Variants in CACNA1E observed in about 807,000 individuals in gnomAD.
The protein encoded by CACNA1E is calcium voltage-gated channel subunit alpha1 E, also known as voltage-dependent R-type calcium channel subunit alpha-1E.
In CACNA1E, 40 loss-of-function variants were observed where a neutral mutation model predicts 259.2. The observed-to-expected ratio is 0.15, with a 90% CI of 0.12 to 0.20. The LOEUF (loss-of-function observed/expected upper bound fraction) is 0.20, where lower values mean the gene tolerates loss of function less well. Among genes scored for constraint, CACNA1E ranks in the 10% least tolerant of loss-of-function variants. CACNA1E has a pLI of 1.00. For missense variants in CACNA1E, 1,874 were observed against 3,040.1 expected (o/e 0.62, Z 9.02); for synonymous variants, 1,104 against 1,138.5 (o/e 0.97, Z 0.61).
intron 12 of CACNA1E, among the ~76,000 whole-genome samples, chr1:181,719,384 T>C (rs1654224261): frequency 6.6e-6 from 1 of 152,186 alleles, no homozygotes; most frequent in Non-Finnish European, 1.5e-5. Flanking sequence ...GATGAGAGAA[T>C]GTAGACCTTC....
At chr1:181,399,803 G>T (rs1656962504) in intron 1 of CACNA1E, among the ~76,000 whole-genome samples, 4 of 152,210 alleles carry the variant, frequency 2.6e-5, no homozygotes, top group Admixed American at 2.6e-4. Flanking sequence ...TGGTATGCTT[G>T]ATGATTTTCT....
chr1:181,388,937 A>C (rs1387395969), intron 1 of CACNA1E, among the ~76,000 whole-genome samples: 1 of 151,960 alleles, frequency 6.6e-6, no homozygotes, highest in Non-Finnish European at 1.5e-5. Context: ...ATCGTTGTAT[A>C]TGCTGTCTGA....
chr1:181,711,099 G>A, intron 8 of CACNA1E, 30 bp downstream of exon 8: 3 of 1,464,300 alleles, frequency 2.0e-6, no homozygotes, highest in Non-Finnish European at 2.9e-6. Flanking sequence ...GGAGGCTGGT[G>A]AGTGGGCTGC....
chr1:181,766,619 G>A lies in CACNA1E; in HGVS notation c.4881+8G>A. 6.2e-7 allele frequency: 1 copy of A among 1,605,256 alleles called. No individual in the cohort carries two copies. The highest frequency in any genetic ancestry group is 8.5e-7 in the Non-Finnish European group (1 of 1,172,520). ...GCCATCATTGGGATGCAGGTGAGCTGGTAAATCAAGGGCCCGGTGGGGGAC... is the reference window on the plus strand; with the variant it reads ...GCCATCATTGGGATGCAGGTGAGCTAGTAAATCAAGGGCCCGGTGGGGGAC... On this transcript the variant is annotated splice_region_variant and intron_variant, in intron 35 of 47. Coordinates refer to ENST00000367573, the MANE Select transcript of CACNA1E (RefSeq NM_001205293.3).
intron 1 of CACNA1E, among the ~76,000 whole-genome samples, chr1:181,386,899 G>T (rs530764756): frequency 6.6e-6 from 1 of 152,300 alleles, no homozygotes; most frequent in Middle Eastern, 3.4e-3. Context: ...GTCTGCACAC[G>T]CTTTGAGTGG....
intron 1 of CACNA1E, among the ~76,000 whole-genome samples, chr1:181,497,970 T>C (rs7544171): frequency 0.058 from 8,766 of 152,058 alleles, 795 homozygotes; most frequent in African/African-American, 0.2. Context: ...ATTTTGTCTT[T>C]CCCCCGCCAA....
intron 3 of CACNA1E, among the ~76,000 whole-genome samples, chr1:181,524,375 C>G (rs906353637): frequency 6.6e-6 from 1 of 152,112 alleles, no homozygotes; most frequent in Non-Finnish European, 1.5e-5. Flanking sequence ...ACAATGTGAC[C>G]CGTACAGAGC....
chr1:181,562,892 A>G (rs893098582), intron 3 of CACNA1E, among the ~76,000 whole-genome samples: 1 of 152,204 alleles, frequency 6.6e-6, no homozygotes, highest in South Asian at 2.1e-4. Context: ...TCATGCTTGC[A>G]TAGCTCTATC....
chr1:181,495,170 G>T (rs750666900), intron 1 of CACNA1E, among the ~76,000 whole-genome samples: 1 of 152,158 alleles, frequency 6.6e-6, no homozygotes, highest in Non-Finnish European at 1.5e-5. Context: ...TAGATCTCAG[G>T]AGTTGAAGGG....
intron 1 of CACNA1E, among the ~76,000 whole-genome samples, chr1:181,373,407 T>C (rs975561129): frequency 3.3e-5 from 5 of 152,198 alleles, no homozygotes; most frequent in Admixed American, 3.3e-4. Context: ...TTAGGTTTTC[T>C]AGTTTTTATA....
chr1:181,398,175 A>C (rs1245913642), intron 1 of CACNA1E, among the ~76,000 whole-genome samples: 1 of 152,242 alleles, frequency 6.6e-6, no homozygotes, highest in Non-Finnish European at 1.5e-5. Context: ...GGCTCTACCC[A>C]GATGCCTTGG....
At chr1:181,332,240 G>A (rs1244947828) in intron 1 of CACNA1E, among the ~76,000 whole-genome samples, 3 of 152,190 alleles carry the variant, frequency 2.0e-5, no homozygotes, top group Non-Finnish European at 4.4e-5. Context: ...AGAAGGGAGA[G>A]CATCAGGAAG....
intron 7 of CACNA1E, among the ~76,000 whole-genome samples, chr1:181,706,071 A>G (rs1163948706): frequency 1.3e-5 from 2 of 152,042 alleles, no homozygotes; most frequent in African/African-American, 4.8e-5. Context: ...CCAATTACCT[A>G]TCCTCTTACC....
At chr1:181,630,859 A>C (rs765452186) in intron 6 of CACNA1E, among the ~76,000 whole-genome samples, 1 of 152,146 alleles carries the variant, frequency 6.6e-6, no homozygotes, top group African/African-American at 2.4e-5. Context: ...GAGTAAGTCT[A>C]TTCTCAGCCA....
chr1:181,727,409 G>T (rs112307507), intron 18 of CACNA1E, among the ~76,000 whole-genome samples: 1 of 152,222 alleles, frequency 6.6e-6, no homozygotes. Context: ...ATACAATGAG[G>T]AACAGAAAAG....
At chr1:181,716,255 G>GGA (rs1229826889) in intron 10 of CACNA1E, 126 bp downstream of exon 10, 1 of 429,066 alleles carries the variant, frequency 2.3e-6, no homozygotes, top group Non-Finnish European at 4.1e-6. Context: ...ATGTAATTAA[G>GGA]GAAAAGGGTG....
Position 181,372,784 on chromosome 1 carries a change from G to A in CACNA1E, c.-14-40349G>A, listed in dbSNP as rs115362772. 5.2e-3 allele frequency among the ~76,000 whole-genome samples: 781 copies of A among 150,568 alleles called. 8 individuals carry two copies. Among genetic ancestry groups the A allele is most frequent in the African/African-American group, 0.018 (741 of 40,980 alleles). ...GTTCCTTTGATACCTAGTTTGTTGA[G>A]CTACTAGCTCATGAAGGGATGTTGA... On this transcript the variant is annotated intron_variant, in intron 1 of 11. Coordinates refer to the CACNA1E transcript ENST00000524607.
upstream of CACNA1E, among the ~76,000 whole-genome samples, chr1:181,482,398 C>T (rs1255292209): frequency 6.6e-6 from 1 of 152,266 alleles, no homozygotes; most frequent in African/African-American, 2.4e-5. Context: ...TCCGCCGCAT[C>T]GCTGGCTGCA....
At chr1:181,704,515 G>A (rs1355529637) in intron 7 of CACNA1E, among the ~76,000 whole-genome samples, 1 of 152,118 alleles carries the variant, frequency 6.6e-6, no homozygotes, top group Non-Finnish European at 1.5e-5. Context: ...TTTCCCTATG[G>A]GTAGCAAAGC....
Sources: gnomAD v4.1 joint callset for allele counts (sites outside exome capture counted in the v4.1 genomes callset) on GRCh38, gnomAD v4.1.1 for gene constraint, MANE v1.5 for transcripts, NCBI Gene and HGNC (gene_info 2026-07-23, HGNC 2026-07-21) for gene names.